Variants in TTF2 observed in about 807,000 individuals in gnomAD.
TTF2 encodes RNA polymerase II termination factor.
Under a neutral mutation model 142.4 loss-of-function variants are expected in TTF2, and 108 were observed. That is an observed-to-expected ratio of 0.76 (90% CI 0.65 to 0.89). The LOEUF is 0.89. Ranked by LOEUF, TTF2 falls within the 40% of genes least tolerant of loss-of-function variation. The probability of loss-of-function intolerance (pLI) is 0.00; values close to 1 mark genes in which losing one functional copy is unlikely to be tolerated. For missense variants in TTF2, 1,327 were observed against 1,379.8 expected, an observed-to-expected ratio of 0.96 and a Z score of 0.61; for synonymous variants, 483 against 506.2, an observed-to-expected ratio of 0.95 and a Z score of 0.61.
intron 13 of TTF2, among the ~76,000 whole-genome samples, chr1:117,089,766 C>T (rs1326005451): frequency 7.2e-5 from 11 of 152,108 alleles, no homozygotes; most frequent in Admixed American, 7.2e-4. Context: ...TCTTTCTTAG[C>T]TCCTGTAGCT....
chr1:117,069,458 G>A (rs957091506), intron 3 of TTF2, among the ~76,000 whole-genome samples: 2 of 152,226 alleles, frequency 1.3e-5, no homozygotes, highest in African/African-American at 4.8e-5. Flanking sequence ...AAGTGTTGAG[G>A]CAGAACAGCT....
Position 117,075,937 on chromosome 1 carries a change from G to A in TTF2, c.1275+78G>A. On this transcript the variant is annotated intron_variant, in intron 5 of 22. Coordinates refer to ENST00000369466, the MANE Select transcript of TTF2 (RefSeq NM_003594.4). The surrounding 1 kb of genome is among the most constrained non-coding windows in gnomAD (Gnocchi z 4.5). ...GCAGATATGAGATCTCATTGCTACA[G>A]AAGGGTTAAATATGTTCATGTGAAG... 6.6e-7 allele frequency: 1 copy of A among 1,513,796 alleles called. No homozygotes were observed. The highest frequency in any genetic ancestry group is 8.8e-7 in the Non-Finnish European group (1 of 1,137,740). 93.8% of individuals were successfully genotyped at this position (1,513,796 alleles called of 1,614,324 possible).
rs1488561255 is a variant in TTF2, at chr1:117,092,107, G to A, written c.2805+157G>A. ...GTTTTTTGGTGGGTTGGAGAAAAGG[G>A]GGCTTATTTATTTTGCTTTATTTCA... On this transcript the variant is annotated intron_variant, in intron 17 of 22. Coordinates refer to ENST00000369466, the MANE Select transcript of TTF2 (RefSeq NM_003594.4). This position sits in a 1 kb window ranked among gnomAD's most constrained non-coding sequence, Gnocchi z 4.4. 6.6e-6 allele frequency among the ~76,000 whole-genome samples: 1 copy of A among 151,992 alleles called. No individual in the cohort carries two copies. The highest frequency in any genetic ancestry group is 1.5e-5 in the Non-Finnish European group (1 of 68,004).
rs1024929362 is a variant in TTF2 at position 117,070,503 on chromosome 1, C to G, written c.219-3158C>G. 6.6e-6 allele frequency among the ~76,000 whole-genome samples: 1 copy of G among 152,200 alleles called. No homozygotes were observed. The highest frequency in any genetic ancestry group is 1.5e-5 in the Non-Finnish European group (1 of 68,034). On this transcript the variant is annotated intron_variant, in intron 3 of 22. Transcript: ENST00000369466. The surrounding 1 kb of genome is among the most constrained non-coding windows in gnomAD (Gnocchi z 4.2). Reference sequence around the variant, plus strand: ...AGTTGTATGTGCCATCCACTGTTGACTGAAACATCATCATGCAGCACGGGA... The same window carrying G: ...AGTTGTATGTGCCATCCACTGTTGAGTGAAACATCATCATGCAGCACGGGA...
intron 3 of TTF2, among the ~76,000 whole-genome samples, chr1:117,064,403 T>G (rs957942080): frequency 6.6e-6 from 1 of 152,172 alleles, no homozygotes; most frequent in African/African-American, 2.4e-5. Context: ...GGGAGGCTCA[T>G]CATTTTTGTA....
At chr1:117,065,512 G>A (rs1399447920) in intron 3 of TTF2, among the ~76,000 whole-genome samples, 1 of 152,134 alleles carries the variant, frequency 6.6e-6, no homozygotes, top group Non-Finnish European at 1.5e-5. Context: ...GCAGGAGAAT[G>A]GCGTGAACCC....
chr1:117,075,943 T>C lies in TTF2; in HGVS notation c.1275+84T>C. ...ATGAGATCTCATTGCTACAGAAGGG[T>C]TAAATATGTTCATGTGAAGGTTTTA... On this transcript the variant is annotated intron_variant, in intron 5 of 22. Coordinates refer to ENST00000369466, the MANE Select transcript of TTF2 (RefSeq NM_003594.4). This position sits in a 1 kb window ranked among gnomAD's most constrained non-coding sequence, Gnocchi z 4.5. The C allele has an allele frequency of 6.7e-7, 1 of 1,500,914 alleles. No individual in the cohort carries two copies. The highest frequency in any genetic ancestry group is 2.2e-5 in the Admixed American group (1 of 44,560). The allele number at this position is 1,500,914 out of a possible 1,614,324, so 93.0% of individuals were successfully genotyped here. A position where few individuals can be genotyped will look rare whatever the true frequency, so the allele number is the denominator to read the frequency against.
Position 117,090,562 on chromosome 1 carries a change from C to T in TTF2, c.2527C>T (p.His843Tyr). 1 of 1,613,864 alleles carries T rather than the reference C, an allele frequency of 6.2e-7. No homozygotes were observed. ...VILPQRKFQLHHLKLSEDEET... is the reference protein window; with the variant it reads ...VILPQRKFQLYHLKLSEDEET... ...ACTGCCCCAGCGTAAATTTCAGTTGCACCATTTAAAGCTTTCTGAAGATGA... is the reference window on the plus strand; with the variant it reads ...ACTGCCCCAGCGTAAATTTCAGTTGTACCATTTAAAGCTTTCTGAAGATGA... The change falls in exon 15 of 23, where the codon CAC (histidine) becomes TAC (tyrosine). Residue 843 changes from histidine to tyrosine, a missense_variant. By Grantham distance (83) the His-to-Tyr change is moderately conservative (BLOSUM62 2). Transcript: ENST00000369466. This position sits in a 1 kb window ranked among gnomAD's most constrained non-coding sequence, Gnocchi z 4.8.
chr1:117,095,451 T>C (rs748362583), intron 19 of TTF2, 84 bp downstream of exon 19: 10 of 1,283,016 alleles, frequency 7.8e-6, no homozygotes, highest in African/African-American at 1.5e-5. Flanking sequence ...AATCAAGGAC[T>C]GTGAGTCATG....
chr1:117,092,035 C>T lies in TTF2; in HGVS notation c.2805+85C>T. 7.2e-7 allele frequency: 1 copy of T among 1,395,022 alleles called. No homozygotes were observed. Among genetic ancestry groups the T allele is most frequent in the Non-Finnish European group, 9.6e-7 (1 of 1,037,524 alleles). The allele number at this position is 1,395,022 out of a possible 1,614,324, so 86.4% of individuals were successfully genotyped here. A position where few individuals can be genotyped will look rare whatever the true frequency, so the allele number is the denominator to read the frequency against. ...AATTTCACTCTCCTCCAACTGGAAT[C>T]CAGTCTGCTTGATCAAAGGAAATGC... On this transcript the variant is annotated intron_variant, in intron 17 of 22. Transcript: ENST00000369466. The surrounding 1 kb of genome is among the most constrained non-coding windows in gnomAD (Gnocchi z 4.4).
In TTF2 at chr1:117,076,062, G is replaced by C; in HGVS notation, c.1276-118G>C. ...AAATTTAAAAAAGGTTCTGGTTTTTGCACACATATTTAAAAGACCATAATT... is the reference window on the plus strand; with the variant it reads ...AAATTTAAAAAAGGTTCTGGTTTTTCCACACATATTTAAAAGACCATAATT... On this transcript the variant is annotated intron_variant, in intron 5 of 22. Transcript: ENST00000369466. The surrounding 1 kb of genome is among the most constrained non-coding windows in gnomAD (Gnocchi z 4.6). The C allele has an allele frequency of 1.5e-6, 2 of 1,292,960 alleles. No individual in the cohort carries two copies. Among genetic ancestry groups the C allele is most frequent in the Non-Finnish European group, 1.1e-6 (1 of 950,314 alleles). The allele number at this position is 1,292,960 out of a possible 1,614,324, so 80.1% of individuals were successfully genotyped here.
chr1:117,096,153 A>T lies in TTF2; in HGVS notation c.3040A>T (p.Ile1014Phe). The T allele has an allele frequency of 6.2e-7, 1 of 1,613,908 alleles. No homozygotes were observed. Among genetic ancestry groups the T allele is most frequent in the African/African-American group, 1.3e-5 (1 of 74,968 alleles). Reference sequence around the variant, plus strand: ...TTATTTTATTCTTCTTTCCAGTGTCATTGTCTCTCAGTGGACCAACATGCT... The same window carrying T: ...TTATTTTATTCTTCTTTCCAGTGTCTTTGTCTCTCAGTGGACCAACATGCT... ...QRNSASQKSV[I>F]VSQWTNMLKV... Residue 1014 changes from isoleucine to phenylalanine, a missense_variant, in exon 20 of 23, where the codon ATT becomes TTT. Physicochemically the swap from Ile to Phe is conservative, Grantham distance 21. Coordinates refer to ENST00000369466, the MANE Select transcript of TTF2 (RefSeq NM_003594.4).
intron 10 of TTF2, among the ~76,000 whole-genome samples, chr1:117,083,022 A>C (rs1313366098): frequency 1.3e-5 from 2 of 151,860 alleles, no homozygotes; most frequent in Non-Finnish European, 2.9e-5. Flanking sequence ...GTGGGCGGAT[A>C]ACAAGGTCAG....
In TTF2 at chr1:117,097,906, G is replaced by T. The variant is rs73006053; in HGVS notation, c.3269+473G>T. ...TTAATACCTCACCCTTGGATTCATT[G>T]TATGTAGTGTTAATACCAGGAGTAC... On this transcript the variant is annotated intron_variant, in intron 21 of 22. Transcript: ENST00000369466. The surrounding 1 kb of genome is among the most constrained non-coding windows in gnomAD (Gnocchi z 4.1). 3.2e-3 allele frequency among the ~76,000 whole-genome samples: 486 copies of T among 152,334 alleles called. 4 individuals carry two copies. The highest frequency in any genetic ancestry group is 0.011 in the African/African-American group (468 of 41,578).
chr1:117,089,904 A>C, intron 13 of TTF2, 151 bp from the exon 14 acceptor site: 1 of 830,498 alleles, frequency 1.2e-6, no homozygotes. Flanking sequence ...TGTCCAGCAA[A>C]GGTTTGCTAT....
chr1:117,085,416 G>T lies in TTF2; in HGVS notation c.2055-1001G>T, dbSNP rs1434723527. ...AAAAATACAAAAATTAGCTGGGTGT[G>T]GTGGTGTGCACTTGTAGTGCCATTT... On this transcript the variant is annotated intron_variant, in intron 11 of 22. Transcript: ENST00000369466. The surrounding 1 kb of genome is among the most constrained non-coding windows in gnomAD (Gnocchi z 4.7). 1.3e-5 allele frequency among the ~76,000 whole-genome samples: 2 copies of T among 152,094 alleles called. No homozygotes were observed. The highest frequency in any genetic ancestry group is 4.8e-5 in the African/African-American group (2 of 41,394).
chr1:117,076,858 C>T lies in TTF2; in HGVS notation c.1573+35C>T. The T allele has an allele frequency of 1.3e-6, 2 of 1,570,996 alleles. No individual in the cohort carries two copies. Among genetic ancestry groups the T allele is most frequent in the African/African-American group, 2.7e-5 (2 of 73,836 alleles). On this transcript the variant is annotated intron_variant, in intron 7 of 22. Coordinates refer to ENST00000369466, the MANE Select transcript of TTF2 (RefSeq NM_003594.4). This position sits in a 1 kb window ranked among gnomAD's most constrained non-coding sequence, Gnocchi z 4.6. The stretch of plus-strand genomic sequence containing the variant: ...AAGGGCCTGACCCTGCTGTGAATAG[C>T]CACCCCTGTGAGTTACGTGCCACCC...
In TTF2 at chr1:117,070,417, A is replaced by G. The variant is rs1656485108; in HGVS notation, c.219-3244A>G. Among the ~76,000 whole-genome samples, 1 of 152,232 alleles carries G rather than the reference A, an allele frequency of 6.6e-6. No homozygotes were observed. Among genetic ancestry groups the G allele is most frequent in the African/African-American group, 2.4e-5 (1 of 41,464 alleles). On this transcript the variant is annotated intron_variant, in intron 3 of 22. Coordinates refer to ENST00000369466, the MANE Select transcript of TTF2 (RefSeq NM_003594.4). The surrounding 1 kb of genome is among the most constrained non-coding windows in gnomAD (Gnocchi z 4.2). Reference sequence around the variant, plus strand: ...AGGCATTTGTAACACAGTGCTAAGTATTTGTATATCTAAACAAAGAAAATG... The same window carrying G: ...AGGCATTTGTAACACAGTGCTAAGTGTTTGTATATCTAAACAAAGAAAATG...
At position 117,079,226 on chromosome 1, in the gene TTF2, C is replaced by T. The variant is rs144649062; in HGVS notation, c.1702-342C>T. ...CTGCACTCTAGCCTGGGCAACAGAGCGAGGCTGTCTCAAAAAAATAAAAAT... is the reference window on the plus strand; with the variant it reads ...CTGCACTCTAGCCTGGGCAACAGAGTGAGGCTGTCTCAAAAAAATAAAAAT... On this transcript the variant is annotated intron_variant, in intron 8 of 22. Transcript: ENST00000369466. This position sits in a 1 kb window ranked among gnomAD's most constrained non-coding sequence, Gnocchi z 4.2. Among the ~76,000 whole-genome samples the T allele has an allele frequency of 1.5e-3, 229 of 152,004 alleles. No homozygotes were observed. The highest frequency in any genetic ancestry group is 5.3e-3 in the African/African-American group (221 of 41,442).
Sources: allele counts gnomAD v4.1 joint callset (sites outside exome capture counted in the v4.1 genomes callset), GRCh38; gene constraint gnomAD v4.1.1; non-coding constraint Gnocchi (gnomAD v3.1); transcripts MANE v1.5; gene names NCBI Gene and HGNC (gene_info 2026-07-23, HGNC 2026-07-21).